SYK: variants seen among roughly 807,000 people sequenced by gnomAD.
SYK encodes the protein tyrosine-protein kinase SYK.
In SYK, 16 loss-of-function variants were observed where a neutral mutation model predicts 77.8. The ratio of observed to expected loss-of-function variants is 0.21; its 90% CI spans 0.14 to 0.31. SYK has a LOEUF of 0.31. SYK is among the 10% of genes least tolerant of loss of function. The pLI is 1.00. For missense variants in SYK, 529 were observed against 814.4 expected (o/e 0.65, Z 4.26); for synonymous variants, 312 against 308.7 (o/e 1.01, Z -0.11).
intron 1 of SYK, among the ~76,000 whole-genome samples, chr9:90,808,538 G>C (rs1824939146): frequency 6.6e-6 from 1 of 151,830 alleles, no homozygotes; most frequent in Admixed American, 6.6e-5. Context: ...CATGAGATAG[G>C]AGGAGGGCAA....
At chr9:90,872,871 C>G (rs560842676) in intron 7 of SYK, among the ~76,000 whole-genome samples, 27 of 152,330 alleles carry the variant, frequency 1.8e-4, no homozygotes, top group Admixed American at 4.6e-4. Flanking sequence ...CCTCCTTGAG[C>G]TTATATTCTA....
Position 90,867,081 on chromosome 9 carries a change from AT to A in SYK, c.847-47del, listed in dbSNP as rs765245124. On this transcript the variant is annotated intron_variant, in intron 6 of 13. Coordinates refer to ENST00000375754, the MANE Select transcript of SYK (RefSeq NM_003177.7). ...TAGCATGTCGTGGAAGGGATCCTGT[AT>A]TTGTTTTCTGAAACATTTACTGTTC... is the stretch of plus-strand genomic sequence containing the variant. The A allele has an allele frequency of 4.0e-5, 64 of 1,603,370 alleles. No individual in the cohort carries two copies. The South Asian group carries it at 6.3e-4, about 16-fold the overall frequency.
rs1358119197 is a variant in SYK, at chr9:90,802,079, C to G, written c.-42+186C>G. ...CTTCGCTCCTGAACCTACCCGCGCT[C>G]GGGATCCAGAAGCTGCGCCGGGAGA... On this transcript the variant is annotated intron_variant, in intron 1 of 13. Transcript: ENST00000375754. 3.3e-5 allele frequency: 5 copies of G among 152,388 alleles called. No individual in the cohort carries two copies. The South Asian group carries it at 8.3e-4, about 25-fold the overall frequency. 9.4% of individuals were successfully genotyped at this position (152,388 alleles called of 1,614,324 possible).
At chr9:90,891,873 C>T (rs1828806963) in intron 13 of SYK, among the ~76,000 whole-genome samples, 1 of 152,138 alleles carries the variant, frequency 6.6e-6, no homozygotes, top group South Asian at 2.1e-4. Flanking sequence ...GTCATCAGTT[C>T]CAGGGTGTGG....
At chr9:90,892,254 G>A (rs948689626) in intron 13 of SYK, among the ~76,000 whole-genome samples, 3 of 152,166 alleles carry the variant, frequency 2.0e-5, no homozygotes, top group Admixed American at 6.5e-5. Flanking sequence ...GAGATATGAG[G>A]AGGGTGTAAA....
At chr9:90,877,465 A>G in intron 9 of SYK, 106 bp from the exon 10 acceptor site, 2 of 1,234,102 alleles carry the variant, frequency 1.6e-6, no homozygotes, top group African/African-American at 1.5e-5. Context: ...TGTGGCAGGT[A>G]TTTCCGTGGG....
intron 7 of SYK, among the ~76,000 whole-genome samples, chr9:90,868,394 A>C (rs1827599602): frequency 6.6e-6 from 1 of 152,198 alleles, no homozygotes; most frequent in African/African-American, 2.4e-5. Flanking sequence ...AAAATAAAGA[A>C]GTATATGTGT....
At chr9:90,825,433 G>A (rs746504856) in intron 1 of SYK, among the ~76,000 whole-genome samples, 2 of 152,156 alleles carry the variant, frequency 1.3e-5, no homozygotes, top group African/African-American at 2.4e-5. Context: ...CACTAAAAAG[G>A]ACAAAGTTGG....
In SYK at chr9:90,896,720, G is replaced by A. The variant is rs1285633479; in HGVS notation, c.*1120G>A. The A allele has an allele frequency of 1.3e-5, 3 of 230,326 alleles. No individual in the cohort carries two copies. Among genetic ancestry groups the A allele is most frequent in the African/African-American group, 2.2e-5 (1 of 45,190 alleles). 14.3% of individuals were successfully genotyped at this position (230,326 alleles called of 1,614,324 possible). A position where few individuals can be genotyped will look rare whatever the true frequency, so the allele number is the denominator to read the frequency against. ...CATCTTCATGTTTGATCTTTAAGAAGTCATCACCCATTGATTTCAGTTTTG... is the reference window on the plus strand; with the variant it reads ...CATCTTCATGTTTGATCTTTAAGAAATCATCACCCATTGATTTCAGTTTTG... On this transcript the variant is annotated 3_prime_UTR_variant, in exon 14 of 14. Coordinates refer to ENST00000375754, the MANE Select transcript of SYK (RefSeq NM_003177.7).
At chr9:90,821,573 C>T (rs759072450) in intron 1 of SYK, among the ~76,000 whole-genome samples, 3 of 152,228 alleles carry the variant, frequency 2.0e-5, no homozygotes, top group Non-Finnish European at 4.4e-5. Flanking sequence ...GTGGGTCCCT[C>T]TCACAACATG....
chr9:90,819,972 T>C (rs1179112721), intron 1 of SYK, among the ~76,000 whole-genome samples: 15 of 152,102 alleles, frequency 9.9e-5, no homozygotes, highest in Non-Finnish European at 2.9e-5. Flanking sequence ...CTGGGAGAAA[T>C]TGTCCAAAAC....
rs201205439 is a variant in SYK, at chr9:90,898,521, T to A, written c.*2921T>A. On this transcript the variant is annotated 3_prime_UTR_variant, in exon 14 of 14. Coordinates refer to ENST00000375754, the MANE Select transcript of SYK (RefSeq NM_003177.7). The stretch of plus-strand genomic sequence containing the variant: ...TGTGTCACTGGACATTTTTAAAAAC[T>A]GTGATTTTTAATAAAAATTTAAAAT... 4.9e-5 allele frequency: 10 copies of A among 206,016 alleles called. No homozygotes were observed. Among genetic ancestry groups the A allele is most frequent in the Admixed American group, 4.2e-4 (7 of 16,724 alleles). The allele number at this position is 206,016 out of a possible 1,614,324, so 12.8% of individuals were successfully genotyped here. A position where few individuals can be genotyped will look rare whatever the true frequency, so the allele number is the denominator to read the frequency against.
intron 1 of SYK, among the ~76,000 whole-genome samples, chr9:90,840,328 C>G (rs1234924206): frequency 1.3e-5 from 2 of 151,950 alleles, no homozygotes; most frequent in Non-Finnish European, 2.9e-5. Flanking sequence ...AAGTATGAGA[C>G]GTGCTGGGCT....
Position 90,895,339 on chromosome 9 carries a change from G to A in SYK, c.1836-189G>A, listed in dbSNP as rs560569978. Reference sequence around the variant, plus strand: ...GGGTTATTTAGGTCTACAGTAGGCCGACACTATTTTTGACAGCCTTGTGGT... The same window carrying A: ...GGGTTATTTAGGTCTACAGTAGGCCAACACTATTTTTGACAGCCTTGTGGT... On this transcript the variant is annotated intron_variant, in intron 13 of 13. Coordinates refer to ENST00000375754, the MANE Select transcript of SYK (RefSeq NM_003177.7). This position sits in a 1 kb window ranked among gnomAD's most constrained non-coding sequence, Gnocchi z 4.4. Among the ~76,000 whole-genome samples the A allele has an allele frequency of 2.2e-4, 34 of 152,302 alleles. No homozygotes were observed. The highest frequency in any genetic ancestry group is 7.9e-4 in the African/African-American group (33 of 41,550).
chr9:90,887,962 A>T, intron 12 of SYK, 73 bp downstream of exon 12: 1 of 1,457,654 alleles, frequency 6.9e-7, no homozygotes, highest in African/African-American at 1.5e-5. Context: ...TCTTTACAAC[A>T]ACCTGAAAAT....
At chr9:90,875,890 A>G (rs914209073) in intron 9 of SYK, among the ~76,000 whole-genome samples, 5 of 152,128 alleles carry the variant, frequency 3.3e-5, no homozygotes, top group Admixed American at 6.6e-5. Context: ...TAGTAGCTTC[A>G]TGGTATTTCA....
chr9:90,830,831 C>G (rs890917381), intron 1 of SYK, among the ~76,000 whole-genome samples: 4 of 151,954 alleles, frequency 2.6e-5, no homozygotes, highest in African/African-American at 9.7e-5. Flanking sequence ...GTGATCCACC[C>G]GCCTCAGCCT....
At chr9:90,825,812 G>A (rs780690536) in intron 1 of SYK, among the ~76,000 whole-genome samples, 2 of 152,222 alleles carry the variant, frequency 1.3e-5, no homozygotes, top group Non-Finnish European at 2.9e-5. Context: ...AGGCTGAGAC[G>A]TGAGATGGGA....
intron 13 of SYK, among the ~76,000 whole-genome samples, chr9:90,892,656 A>G (rs1384453412): frequency 6.6e-6 from 1 of 152,192 alleles, no homozygotes; most frequent in Admixed American, 6.5e-5. Flanking sequence ...TCAGTCAGGA[A>G]GCCTTCCACT....
Sources: allele counts gnomAD v4.1 joint callset (sites outside exome capture counted in the v4.1 genomes callset), GRCh38; gene constraint gnomAD v4.1.1; non-coding constraint Gnocchi (gnomAD v3.1); transcripts MANE v1.5; gene names NCBI Gene and HGNC (gene_info 2026-07-23, HGNC 2026-07-21).